The following MYT1L variants were observed in gnomAD, a reference collection of about 807,000 sequenced individuals.
The protein encoded by MYT1L is myelin transcription factor 1 like.
MYT1L carries 12 observed loss-of-function variants against 126.7 expected under a neutral mutation model. The ratio of observed to expected loss-of-function variants is 0.09; its 90% CI spans 0.06 to 0.15. The LOEUF is 0.15. MYT1L is among the 10% of genes least tolerant of loss of function. The probability of loss-of-function intolerance (pLI) is 1.00; values close to 1 mark genes in which losing one functional copy is unlikely to be tolerated. For missense variants in MYT1L, 979 were observed against 1,585.2 expected, an observed-to-expected ratio of 0.62 and a Z score of 6.49; for synonymous variants, 541 against 604.2, an observed-to-expected ratio of 0.90 and a Z score of 1.53.
At chr2:2,312,279 C>G (rs908305520) in intron 1 of MYT1L, among the ~76,000 whole-genome samples, 1 of 152,124 alleles carries the variant, frequency 6.6e-6, no homozygotes, top group Non-Finnish European at 1.5e-5. Flanking sequence ...GACTGAGAAA[C>G]AATTTATTCT....
At chr2:2,266,802 G>C (rs2095140935) in intron 2 of MYT1L, among the ~76,000 whole-genome samples, 2 of 152,098 alleles carry the variant, frequency 1.3e-5, no homozygotes, top group African/African-American at 4.8e-5. Flanking sequence ...TTTTATAAGG[G>C]CTTTCCCCTT....
intron 8 of MYT1L, among the ~76,000 whole-genome samples, chr2:1,950,058 T>A (rs1282791330): frequency 6.6e-6 from 1 of 152,172 alleles, no homozygotes. Context: ...CTAAAATCTC[T>A]ATATACACAA....
At chr2:2,118,680 T>C (rs186693050) in intron 3 of MYT1L, among the ~76,000 whole-genome samples, 113 of 152,374 alleles carry the variant, frequency 7.4e-4, no homozygotes, top group Middle Eastern at 6.8e-3. Flanking sequence ...CAATATTAAA[T>C]AATTCCAGTC....
At chr2:2,141,060 G>C (rs929307064) in intron 3 of MYT1L, among the ~76,000 whole-genome samples, 77 of 152,216 alleles carry the variant, frequency 5.1e-4, no homozygotes, top group African/African-American at 1.8e-3. Flanking sequence ...CATTATGCAT[G>C]CTCTTGTAAG....
At position 1,917,118 on chromosome 2, in the gene MYT1L, A is replaced by T; in HGVS notation, c.1618+87T>A. The T allele has an allele frequency of 2.0e-6, 3 of 1,502,220 alleles. No individual in the cohort carries two copies. The highest frequency in any genetic ancestry group is 1.8e-6 in the Non-Finnish European group (2 of 1,103,306). The allele number at this position is 1,502,220 out of a possible 1,614,324, so 93.1% of individuals were successfully genotyped here. On this transcript the variant is annotated intron_variant, in intron 11 of 24. Coordinates refer to ENST00000647738, the MANE Select transcript of MYT1L (RefSeq NM_001303052.2). The surrounding 1 kb of genome is among the most constrained non-coding windows in gnomAD (Gnocchi z 5.9). ...AAATCAGGTCGCACCGAGCCGTACA[A>T]TGGAGATGATGTCAGGTAAGAGGGA...
chr2:1,897,460 T>TTG (rs2049754484), intron 14 of MYT1L, among the ~76,000 whole-genome samples: 1 of 151,398 alleles, frequency 6.6e-6, no homozygotes, highest in Non-Finnish European at 1.5e-5. Context: ...CTTTTTTTTT[T>TTG]TTTGTTTGTT....
chr2:2,181,757 T>C (rs942122594), intron 2 of MYT1L, among the ~76,000 whole-genome samples: 2 of 152,142 alleles, frequency 1.3e-5, no homozygotes, highest in Non-Finnish European at 2.9e-5. Flanking sequence ...TGCCGAGAAG[T>C]GAGATTCATC....
At chr2:1,964,668 A>G (rs2149403114) in intron 8 of MYT1L, among the ~76,000 whole-genome samples, 1 of 152,372 alleles carries the variant, frequency 6.6e-6, no homozygotes, top group East Asian at 1.9e-4. Context: ...ATTTTTAGAT[A>G]CTATTTAAAA....
intron 3 of MYT1L, among the ~76,000 whole-genome samples, chr2:2,091,187 A>T (rs2076884307): frequency 6.6e-6 from 1 of 152,168 alleles, no homozygotes; most frequent in Non-Finnish European, 1.5e-5. Flanking sequence ...CATAGCACTT[A>T]TTGTCTTCAA....
intron 5 of MYT1L, among the ~76,000 whole-genome samples, chr2:1,984,831 C>T (rs898703179): frequency 6.6e-5 from 10 of 152,096 alleles, no homozygotes; most frequent in African/African-American, 1.7e-4. Flanking sequence ...TTTAAATGCA[C>T]GAAAATTTCA....
chr2:1,792,075 A>G, intron 24 of MYT1L, 68 bp from the exon 25 acceptor site: 2 of 1,324,280 alleles, frequency 1.5e-6, no homozygotes, highest in South Asian at 3.1e-5. Flanking sequence ...ACAAAAGCAT[A>G]AAATAGTATC....
intron 4 of MYT1L, among the ~76,000 whole-genome samples, chr2:2,028,527 T>C (rs1305373633): frequency 6.6e-5 from 10 of 152,158 alleles, no homozygotes; most frequent in African/African-American, 2.4e-4. Context: ...ATGACAGATT[T>C]TGTCTGAGTT....
At chr2:1,866,308 C>T (rs1338540562) in intron 18 of MYT1L, among the ~76,000 whole-genome samples, 1 of 152,122 alleles carries the variant, frequency 6.6e-6, no homozygotes, top group Non-Finnish European at 1.5e-5. Context: ...GCTCCACAGA[C>T]ACCTCTGGCC....
chr2:2,013,513 G>A (rs141413293), intron 4 of MYT1L, among the ~76,000 whole-genome samples: 13 of 152,312 alleles, frequency 8.5e-5, no homozygotes, highest in East Asian at 3.9e-4. Flanking sequence ...GCCTGGAACC[G>A]GAGGCTCATG....
At chr2:2,325,801 C>T (rs2096239582) in intron 1 of MYT1L, 1 of 152,286 alleles carries the variant, frequency 6.6e-6, no homozygotes, top group Non-Finnish European at 1.5e-5. Context: ...AATGGCATTA[C>T]ACTGAAGGAG....
chr2:1,797,419 A>C (rs1282187863), intron 23 of MYT1L, among the ~76,000 whole-genome samples: 1 of 152,062 alleles, frequency 6.6e-6, no homozygotes, highest in South Asian at 2.1e-4. Flanking sequence ...ACGGGGTTTC[A>C]CCGTGTTAGC....
intron 22 of MYT1L, 142 bp downstream of exon 22, chr2:1,808,934 A>G: frequency 1.4e-6 from 1 of 721,474 alleles, no homozygotes. Flanking sequence ...GCTTCGCTTT[A>G]TAGATGAGAG....
At chr2:1,975,706 A>G (rs1159015636) in intron 8 of MYT1L, among the ~76,000 whole-genome samples, 4 of 152,180 alleles carry the variant, frequency 2.6e-5, no homozygotes, top group African/African-American at 9.6e-5. Flanking sequence ...TCTACTAAAA[A>G]TACAAAAATT....
intron 3 of MYT1L, among the ~76,000 whole-genome samples, chr2:2,100,481 T>G (rs553504120): frequency 6.6e-6 from 1 of 152,302 alleles, no homozygotes; most frequent in South Asian, 2.1e-4. Context: ...TGTATTTCTG[T>G]GGGTAGGAGG....
Sources: allele counts gnomAD v4.1 joint callset (sites outside exome capture counted in the v4.1 genomes callset), GRCh38; gene constraint gnomAD v4.1.1; non-coding constraint Gnocchi (gnomAD v3.1); transcripts MANE v1.5; gene names NCBI Gene and HGNC (gene_info 2026-07-23, HGNC 2026-07-21).